The following CTNNA2 variants were observed in gnomAD, a reference collection of about 807,000 sequenced individuals.
The protein encoded by CTNNA2 is catenin alpha-2.
CTNNA2 carries 42 observed loss-of-function variants against 101.0 expected under a neutral mutation model. The ratio of observed to expected loss-of-function variants is 0.42; its 90% CI spans 0.32 to 0.54. CTNNA2 has a LOEUF of 0.54. Ranked by LOEUF, CTNNA2 falls within the 20% of genes least tolerant of loss-of-function variation. CTNNA2 has a pLI of 0.14. For synonymous variants in CTNNA2, 450 were observed against 456.4 expected (o/e 0.99, Z 0.18); for missense variants, 871 against 1,223.1 (o/e 0.71, Z 4.29).
At chr2:80,449,971 C>T (rs1484415977) in intron 9 of CTNNA2, among the ~76,000 whole-genome samples, 2 of 152,116 alleles carry the variant, frequency 1.3e-5, no homozygotes, top group Non-Finnish European at 2.9e-5. Context: ...GGTTGAATTT[C>T]CTGGAAAATT....
At chr2:79,465,791 A>C (rs1670928043) in intron 4 of CTNNA2, among the ~76,000 whole-genome samples, 1 of 75,062 alleles carries the variant, frequency 1.3e-5, no homozygotes, top group African/African-American at 8.4e-5. Flanking sequence ...TTTGTTTGTT[A>C]TTTGGTATAA....
intron 7 of CTNNA2, among the ~76,000 whole-genome samples, chr2:80,081,383 G>T (rs1021797399): frequency 1.3e-4 from 19 of 151,668 alleles, no homozygotes; most frequent in Non-Finnish European, 2.4e-4. Context: ...AACATGGGGG[G>T]GCTGTTTTCG....
chr2:79,203,515 A>G (rs999784718), intron 2 of CTNNA2, among the ~76,000 whole-genome samples: 2 of 152,236 alleles, frequency 1.3e-5, no homozygotes, highest in Non-Finnish European at 2.9e-5. Flanking sequence ...CACAGTTTGC[A>G]TATCCATCAG....
intron 7 of CTNNA2, among the ~76,000 whole-genome samples, chr2:79,998,105 T>G (rs1574501524): frequency 6.6e-6 from 1 of 152,310 alleles, no homozygotes; most frequent in Non-Finnish European, 1.5e-5. Flanking sequence ...TACATTAAGT[T>G]CATTAGGAAT....
chr2:80,403,799 T>C (rs1299680472), intron 8 of CTNNA2, among the ~76,000 whole-genome samples: 2 of 152,218 alleles, frequency 1.3e-5, no homozygotes, highest in African/African-American at 2.4e-5. Flanking sequence ...ACCTAGTTTA[T>C]TGAGAGTTTT....
intron 4 of CTNNA2, among the ~76,000 whole-genome samples, chr2:79,472,503 C>T (rs535119607): frequency 6.6e-6 from 1 of 152,090 alleles, no homozygotes; most frequent in South Asian, 2.1e-4. Flanking sequence ...GAATAGTGCC[C>T]ATTTGCAGCT....
At chr2:80,409,264 G>A (rs1679342414) in intron 8 of CTNNA2, among the ~76,000 whole-genome samples, 1 of 151,926 alleles carries the variant, frequency 6.6e-6, no homozygotes, top group Non-Finnish European at 1.5e-5. Context: ...TTCTGATGGA[G>A]GGGTGGAGAA....
At chr2:80,326,216 G>GT (rs1199365629) in intron 7 of CTNNA2, among the ~76,000 whole-genome samples, 1 of 152,112 alleles carries the variant, frequency 6.6e-6, no homozygotes, top group Non-Finnish European at 1.5e-5. Context: ...GGATGCTATT[G>GT]TTTTACTACC....
intron 2 of CTNNA2, among the ~76,000 whole-genome samples, chr2:79,732,961 C>G (rs529158326): frequency 6.6e-6 from 1 of 152,112 alleles, no homozygotes; most frequent in Non-Finnish European, 1.5e-5. Context: ...GAACACACAG[C>G]ACTCACTGAT....
At chr2:79,655,104 A>G (rs770159523) in intron 2 of CTNNA2, among the ~76,000 whole-genome samples, 2 of 152,210 alleles carry the variant, frequency 1.3e-5, no homozygotes, top group Non-Finnish European at 2.9e-5. Context: ...TTCATCACAG[A>G]TAGCTTGAGA....
At chr2:79,422,495 T>A (rs1678550200) in intron 4 of CTNNA2, among the ~76,000 whole-genome samples, 1 of 152,180 alleles carries the variant, frequency 6.6e-6, no homozygotes, top group African/African-American at 2.4e-5. Context: ...CTGACAAATG[T>A]ATGCTAGAGG....
At chr2:79,604,410 A>C (rs1281110581) in intron 1 of CTNNA2, among the ~76,000 whole-genome samples, 5 of 152,196 alleles carry the variant, frequency 3.3e-5, no homozygotes, top group Non-Finnish European at 7.3e-5. Flanking sequence ...TACTAGACTG[A>C]GGGAGTTTTC....
intron 8 of CTNNA2, among the ~76,000 whole-genome samples, chr2:80,408,616 A>C (rs1363223156): frequency 1.3e-5 from 2 of 152,176 alleles, no homozygotes; most frequent in African/African-American, 4.8e-5. Flanking sequence ...CCACCAGTTA[A>C]TCAATGGCAG....
At chr2:79,216,461 G>A (rs1429629022) in intron 2 of CTNNA2, among the ~76,000 whole-genome samples, 2 of 151,786 alleles carry the variant, frequency 1.3e-5, no homozygotes, top group Non-Finnish European at 2.9e-5. Context: ...TAAGGGATCA[G>A]GGCACAGAGA....
rs758221998 is a variant in CTNNA2, at chr2:79,660,923, G to T, written c.102+9265G>T. On this transcript the variant is annotated intron_variant, in intron 2 of 18. Transcript: ENST00000402739. ...TAATGCATGTATGTTTATCCATAAAGAAATTTATAAAATAAGTACAAAAAA... is the reference window on the plus strand; with the variant it reads ...TAATGCATGTATGTTTATCCATAAATAAATTTATAAAATAAGTACAAAAAA... 1.8e-4 allele frequency among the ~76,000 whole-genome samples: 27 copies of T among 152,282 alleles called. 1 individual carries two copies. Among genetic ancestry groups the T allele is most frequent in the Non-Finnish European group, 2.8e-4 (19 of 68,012 alleles).
intron 4 of CTNNA2, among the ~76,000 whole-genome samples, chr2:79,483,871 T>G (rs1322992691): frequency 6.6e-6 from 1 of 152,224 alleles, no homozygotes; most frequent in African/African-American, 2.4e-5. Context: ...GCTATAAACA[T>G]GTGTGTACAA....
At chr2:80,601,106 G>T (rs1370915029) in intron 15 of CTNNA2, among the ~76,000 whole-genome samples, 4 of 152,010 alleles carry the variant, frequency 2.6e-5, no homozygotes, top group Non-Finnish European at 5.9e-5. Flanking sequence ...ATTTCAACTG[G>T]CTTGCCCAGT....
In CTNNA2 at chr2:80,116,398, C is replaced by T. The variant is rs562259119; in HGVS notation, c.1056+206601C>T. 6.8e-5 allele frequency among the ~76,000 whole-genome samples: 10 copies of T among 146,100 alleles called. No individual in the cohort carries two copies. The South Asian group carries it at 1.1e-3, about 16-fold the overall frequency. ...AGCTAAAAAAAAAAAAAAAAAAGAA[C>T]GACACAATTAGATTTTAGAATTTAG... is the stretch of plus-strand genomic sequence containing the variant. On this transcript the variant is annotated intron_variant, in intron 7 of 18. Coordinates refer to ENST00000402739, the MANE Select transcript of CTNNA2 (RefSeq NM_001282597.3).
At chr2:80,024,003 C>T (rs989365541) in intron 7 of CTNNA2, among the ~76,000 whole-genome samples, 2 of 149,254 alleles carry the variant, frequency 1.3e-5, no homozygotes, top group African/African-American at 2.5e-5. Context: ...GGGAGAACGG[C>T]GTAAACCCGG....
Sources: gnomAD v4.1 joint callset for allele counts (sites outside exome capture counted in the v4.1 genomes callset) on GRCh38, gnomAD v4.1.1 for gene constraint, MANE v1.5 for transcripts, NCBI Gene and HGNC (gene_info 2026-07-23, HGNC 2026-07-21) for gene names.